The following NRXN3 variants were observed in gnomAD, a reference collection of about 807,000 sequenced individuals.
NRXN3 encodes neurexin 3, also known as neurexin III.
Under a neutral mutation model 137.6 loss-of-function variants are expected in NRXN3, and 32 were observed. That is an observed-to-expected ratio of 0.23 (90% CI 0.18 to 0.31). NRXN3 has a LOEUF of 0.31. Ranked by LOEUF, NRXN3 falls within the 10% of genes least tolerant of loss-of-function variation. The pLI is 1.00. For synonymous variants in NRXN3, 798 were observed against 784.5 expected (o/e 1.02, Z -0.29); for missense variants, 1,574 against 2,062.5 (o/e 0.76, Z 4.59).
At chr14:79,089,862 C>T (rs1372676408) in intron 15 of NRXN3, among the ~76,000 whole-genome samples, 3 of 152,064 alleles carry the variant, frequency 2.0e-5, no homozygotes, top group Non-Finnish European at 4.4e-5. Flanking sequence ...CACCTCTTGG[C>T]TTCTTTCAGG....
chr14:78,493,132 G>A (rs1209304468), intron 4 of NRXN3, among the ~76,000 whole-genome samples: 3 of 152,224 alleles, frequency 2.0e-5, no homozygotes, highest in Admixed American at 6.5e-5. Flanking sequence ...AGTTGCCAAC[G>A]TTCTTCTGGG....
intron 4 of NRXN3, among the ~76,000 whole-genome samples, chr14:78,390,152 T>C (rs1339505273): frequency 6.6e-6 from 1 of 152,224 alleles, no homozygotes; most frequent in African/African-American, 2.4e-5. Flanking sequence ...TTTATTATTA[T>C]TTATTTTTAT....
At chr14:78,721,695 C>T (rs937335290) in intron 8 of NRXN3, among the ~76,000 whole-genome samples, 3 of 152,192 alleles carry the variant, frequency 2.0e-5, no homozygotes, top group African/African-American at 4.8e-5. Context: ...GATGGATTAA[C>T]GAATCGAACC....
At chr14:78,889,099 A>C (rs2099151906) in intron 10 of NRXN3, among the ~76,000 whole-genome samples, 1 of 151,986 alleles carries the variant, frequency 6.6e-6, no homozygotes. Flanking sequence ...TATTTTCTAA[A>C]TCATACATAG....
intron 6 of NRXN3, among the ~76,000 whole-genome samples, chr14:78,662,120 C>T (rs2097846875): frequency 6.6e-6 from 1 of 151,842 alleles, no homozygotes; most frequent in Non-Finnish European, 1.5e-5. Flanking sequence ...GATCCATCCA[C>T]CTCGGCCTCC....
chr14:79,846,058 C>T (rs900373747), intron 20 of NRXN3, among the ~76,000 whole-genome samples: 2 of 151,956 alleles, frequency 1.3e-5, no homozygotes, highest in African/African-American at 4.8e-5. Flanking sequence ...ATAATAGTAA[C>T]ATCAAAGATC....
At chr14:79,173,091 T>C (rs2061946960) in intron 15 of NRXN3, among the ~76,000 whole-genome samples, 2 of 152,118 alleles carry the variant, frequency 1.3e-5, no homozygotes, top group South Asian at 4.1e-4. Flanking sequence ...AATTGAAGAC[T>C]TAAAGTTTAA....
intron 15 of NRXN3, among the ~76,000 whole-genome samples, chr14:79,272,746 G>C (rs1476037311): frequency 1.3e-5 from 2 of 152,160 alleles, no homozygotes; most frequent in Admixed American, 1.3e-4. Flanking sequence ...GAGCTTCGTT[G>C]TTTTGGAGTT....
intron 15 of NRXN3, among the ~76,000 whole-genome samples, chr14:79,407,653 GAGTGAGATCAAGGGTA>G (rs2095340677): frequency 6.6e-6 from 1 of 152,126 alleles, no homozygotes; most frequent in African/African-American, 2.4e-5. Flanking sequence ...TGCCTTGGGA[GAGTGAGATCAAGGGTA>G]AGATAGTCTG....
intron 8 of NRXN3, among the ~76,000 whole-genome samples, chr14:78,758,023 C>T (rs1331758083): frequency 6.6e-6 from 1 of 152,022 alleles, no homozygotes; most frequent in African/African-American, 2.4e-5. Flanking sequence ...CCATTCTTGC[C>T]CTCCCTCCCT....
chr14:79,693,688 G>C (rs1208646087), intron 18 of NRXN3, among the ~76,000 whole-genome samples: 1 of 151,062 alleles, frequency 6.6e-6, no homozygotes, highest in Non-Finnish European at 1.5e-5. Flanking sequence ...AAAGTTATTA[G>C]TAGGCTTTTA....
chr14:78,462,681 C>G (rs2094958052), intron 4 of NRXN3, among the ~76,000 whole-genome samples: 1 of 152,146 alleles, frequency 6.6e-6, no homozygotes, highest in Non-Finnish European at 1.5e-5. Flanking sequence ...TAAGTGATCT[C>G]TTGGCAAAAC....
At chr14:78,604,302 GT>G (rs11323166) in intron 4 of NRXN3, among the ~76,000 whole-genome samples, 64,977 of 141,370 alleles carry the variant, frequency 0.46, 16,321 homozygotes, top group African/African-American at 0.72. Context: ...TTGGTCATTT[GT>G]TTTTTTTTTT....
chr14:78,651,088 T>G, intron 5 of NRXN3, 77 bp from the exon 6 acceptor site: 1 of 1,316,398 alleles, frequency 7.6e-7, no homozygotes, highest in Non-Finnish European at 1.1e-6. Context: ...ATGCCACAAG[T>G]AGGGGAAGCC....
intron 1 of NRXN3, among the ~76,000 whole-genome samples, chr14:78,208,529 C>T (rs1321785550): frequency 1.3e-5 from 2 of 152,172 alleles, no homozygotes; most frequent in Non-Finnish European, 2.9e-5. Context: ...TCTCTGAGGC[C>T]ATCCCTATAC....
chr14:79,351,970 G>A (rs1319410188), intron 15 of NRXN3, among the ~76,000 whole-genome samples: 1 of 152,164 alleles, frequency 6.6e-6, no homozygotes, highest in Non-Finnish European at 1.5e-5. Flanking sequence ...AAGCAAGAAG[G>A]ATATTAGCTC....
At chr14:78,342,447 G>T (rs2153582660) in intron 4 of NRXN3, among the ~76,000 whole-genome samples, 1 of 152,260 alleles carries the variant, frequency 6.6e-6, no homozygotes, top group African/African-American at 2.4e-5. Context: ...GATGGTGATA[G>T]TAATAATAAT....
chr14:79,575,292 G>C (rs1372740136), intron 16 of NRXN3, among the ~76,000 whole-genome samples: 1 of 152,150 alleles, frequency 6.6e-6, no homozygotes, highest in Non-Finnish European at 1.5e-5. Flanking sequence ...CCCTCCTGGG[G>C]CTTGGAATCC....
chr14:79,318,620 A>T (rs1236538776), intron 15 of NRXN3, among the ~76,000 whole-genome samples: 1 of 152,230 alleles, frequency 6.6e-6, no homozygotes, highest in Non-Finnish European at 1.5e-5. Flanking sequence ...AGTGTTGGCG[A>T]GTAATATGGG....
Sources: gnomAD v4.1 joint callset for allele counts (sites outside exome capture counted in the v4.1 genomes callset) on GRCh38, gnomAD v4.1.1 for gene constraint, MANE v1.5 for transcripts, NCBI Gene and HGNC (gene_info 2026-07-23, HGNC 2026-07-21) for gene names.